Variants in NUP153 observed in about 807,000 individuals in gnomAD.
NUP153 encodes the protein nuclear pore complex protein Nup153.
NUP153 carries 27 observed loss-of-function variants against 134.6 expected under a neutral mutation model. That is an observed-to-expected ratio of 0.20 (90% CI 0.15 to 0.28). The LOEUF is 0.28. NUP153 is among the 10% of genes least tolerant of loss of function. The pLI is 1.00. For missense variants in NUP153, 1,821 were observed against 1,731.3 expected, an observed-to-expected ratio of 1.05 and a Z score of -0.92; for synonymous variants, 640 against 623.5, an observed-to-expected ratio of 1.03 and a Z score of -0.40.
At chr6:17,677,987 T>G (rs763659311) in intron 2 of NUP153, among the ~76,000 whole-genome samples, 1 of 152,130 alleles carries the variant, frequency 6.6e-6, no homozygotes, top group Non-Finnish European at 1.5e-5. Flanking sequence ...ACATTCTTAA[T>G]ATCTAGAAGT....
At chr6:17,705,844 C>G (rs1322368511) in intron 1 of NUP153, among the ~76,000 whole-genome samples, 1 of 152,100 alleles carries the variant, frequency 6.6e-6, no homozygotes, top group East Asian at 1.9e-4. Context: ...GCAGCCCCCC[C>G]TCCTCAAACA....
chr6:17,659,445 C>T (rs765945481), intron 11 of NUP153, among the ~76,000 whole-genome samples: 44 of 152,092 alleles, frequency 2.9e-4, no homozygotes, highest in Non-Finnish European at 5.3e-4. Flanking sequence ...CTTATTTACA[C>T]AAGGTAAGAC....
intron 9 of NUP153, among the ~76,000 whole-genome samples, chr6:17,665,019 C>T (rs1450223684): frequency 4.2e-5 from 5 of 118,848 alleles, no homozygotes; most frequent in Non-Finnish European, 1.6e-5. Context: ...TGCCATTGCA[C>T]TCCACCCCTG....
At chr6:17,659,316 T>C (rs1767032786) in intron 11 of NUP153, among the ~76,000 whole-genome samples, 1 of 152,196 alleles carries the variant, frequency 6.6e-6, no homozygotes, top group Admixed American at 6.5e-5. Context: ...TTGGCAAAAA[T>C]GTGTTGATTG....
intron 1 of NUP153, among the ~76,000 whole-genome samples, chr6:17,697,375 T>C (rs1281648554): frequency 1.3e-5 from 2 of 152,098 alleles, no homozygotes; most frequent in Admixed American, 1.3e-4. Context: ...CTTTTCAAAT[T>C]ATATTTAACC....
At chr6:17,642,217 A>C (rs1765875817) in intron 14 of NUP153, among the ~76,000 whole-genome samples, 1 of 152,200 alleles carries the variant, frequency 6.6e-6, no homozygotes, top group Non-Finnish European at 1.5e-5. Context: ...GCAACAGAAG[A>C]AAAAAATGGA....
chr6:17,626,032 A>G lies in NUP153; in HGVS notation c.3677T>C (p.Phe1226Ser), dbSNP rs1764930423. The change falls in exon 19 of 22, where the codon TTT becomes TCT. Residue 1226 changes from phenylalanine (F) to serine (S), a missense_variant. Coordinates refer to ENST00000262077, the MANE Select transcript of NUP153 (RefSeq NM_005124.4). ...TSSSNPPVATFVFGQSSNPVS... is the reference protein window; with the variant it reads ...TSSSNPPVATSVFGQSSNPVS... ...AGGATTGCTGGACTGTCCAAACACA[A>G]AGGTAGCCACAGGTGGATTGGAGGA... 1 of 1,614,206 alleles carries G rather than the reference A, an allele frequency of 6.2e-7. No individual in the cohort carries two copies. Among genetic ancestry groups the G allele is most frequent in the Non-Finnish European group, 8.5e-7 (1 of 1,180,038 alleles).
In NUP153 at chr6:17,661,579, C is replaced by T; in HGVS notation, c.1395+74G>A. ...TGGGTCTCTTCGAACCCCACCCCTA[C>T]AGGTCTCCCCTTACCACCACCACAC... On this transcript the variant is annotated intron_variant, in intron 11 of 21. Transcript: ENST00000262077. The T allele has an allele frequency of 5.5e-6, 8 of 1,447,106 alleles. No homozygotes were observed. In the Admixed American group the frequency reaches 1.8e-4, roughly 33 times the overall value. 89.6% of individuals were successfully genotyped at this position (1,447,106 alleles called of 1,614,324 possible). A position where few individuals can be genotyped will look rare whatever the true frequency, so the allele number is the denominator to read the frequency against.
At chr6:17,632,078 T>C (rs1296827707) in intron 17 of NUP153, among the ~76,000 whole-genome samples, 1 of 152,178 alleles carries the variant, frequency 6.6e-6, no homozygotes, top group Non-Finnish European at 1.5e-5. Flanking sequence ...GGGACCTACT[T>C]TGGGAAACCA....
chr6:17,690,411 G>A (rs1769206849), intron 1 of NUP153, among the ~76,000 whole-genome samples: 1 of 151,236 alleles, frequency 6.6e-6, no homozygotes, highest in Non-Finnish European at 1.5e-5. Context: ...GGGATTGCCA[G>A]GACCTAGGGT....
intron 18 of NUP153, among the ~76,000 whole-genome samples, chr6:17,627,248 A>G (rs568154105): frequency 7.9e-5 from 12 of 152,144 alleles, no homozygotes; most frequent in African/African-American, 2.9e-4. Context: ...ATCTGATTAG[A>G]CCCTATCATG....
chr6:17,629,777 C>T (rs1030392218), intron 17 of NUP153, among the ~76,000 whole-genome samples: 1 of 152,098 alleles, frequency 6.6e-6, no homozygotes, highest in African/African-American at 2.4e-5. Flanking sequence ...AGACTGGCTG[C>T]GATAAAGTTT....
chr6:17,632,879 G>T (rs375854314), intron 16 of NUP153, 35 bp from the exon 17 acceptor site: 10 of 1,469,412 alleles, frequency 6.8e-6, no homozygotes, highest in Non-Finnish European at 9.1e-6. Flanking sequence ...AGTGGGGGGA[G>T]ATTTCATGAA....
chr6:17,630,257 A>G (rs1349207654), intron 17 of NUP153, among the ~76,000 whole-genome samples: 3 of 152,216 alleles, frequency 2.0e-5, no homozygotes, highest in African/African-American at 7.2e-5. Context: ...CCTTGTCACA[A>G]TTTCTTGATT....
chr6:17,615,487 G>C lies in NUP153; in HGVS notation c.*610C>G, dbSNP rs1764266303. ...AAGGCAAGACAGGTGATAGGAGAAT[G>C]AAAATATAGAAATAGCATATAATTA... is the stretch of plus-strand genomic sequence containing the variant. On this transcript the variant is annotated 3_prime_UTR_variant, in exon 22 of 22. Coordinates refer to ENST00000262077, the MANE Select transcript of NUP153 (RefSeq NM_005124.4). The surrounding 1 kb of genome is among the most constrained non-coding windows in gnomAD (Gnocchi z 5.7). 1 of 152,586 alleles carries C rather than the reference G, an allele frequency of 6.6e-6. No individual in the cohort carries two copies. Among genetic ancestry groups the C allele is most frequent in the African/African-American group, 2.4e-5 (1 of 41,438 alleles). 9.5% of individuals were successfully genotyped at this position (152,586 alleles called of 1,614,324 possible).
chr6:17,678,352 C>CAAAAAAAAAA (rs11428582), intron 2 of NUP153, among the ~76,000 whole-genome samples: 26 of 68,218 alleles, frequency 3.8e-4, no homozygotes, highest in African/African-American at 1.3e-3. Context: ...CCCTCTGTCT[C>CAAAAAAAAAA]AAAAAAAAAA....
chr6:17,689,416 C>CA (rs76665434), intron 1 of NUP153, among the ~76,000 whole-genome samples: 4,662 of 149,656 alleles, frequency 0.031, 250 homozygotes, highest in African/African-American at 0.11. Context: ...AATAAACAAA[C>CA]AAAAAAAAAC....
intron 20 of NUP153, 58 bp from the exon 21 acceptor site, chr6:17,616,753 G>T: frequency 6.5e-7 from 1 of 1,528,688 alleles, no homozygotes; most frequent in Non-Finnish European, 9.0e-7. Context: ...TTTTTTGTTT[G>T]TTTGTTTGTT....
chr6:17,666,429 C>G (rs6914067), intron 8 of NUP153, among the ~76,000 whole-genome samples: 1 of 152,064 alleles, frequency 6.6e-6, no homozygotes, highest in Non-Finnish European at 1.5e-5. Flanking sequence ...GCAGGAGAAT[C>G]GTTTGAACCC....
Sources: gnomAD v4.1 joint callset for allele counts (sites outside exome capture counted in the v4.1 genomes callset) on GRCh38, gnomAD v4.1.1 for gene constraint, Gnocchi (gnomAD v3.1) non-coding constraint, MANE v1.5 for transcripts, NCBI Gene and HGNC (gene_info 2026-07-23, HGNC 2026-07-21) for gene names.